DNAJC6: variants seen among roughly 807,000 people sequenced by gnomAD.
DNAJC6 encodes auxilin.
DNAJC6 carries 34 observed loss-of-function variants against 110.0 expected under a neutral mutation model. The ratio of observed to expected loss-of-function variants is 0.31; its 90% CI spans 0.24 to 0.41. The LOEUF is 0.41. Ranked by LOEUF, DNAJC6 falls within the 10% of genes least tolerant of loss-of-function variation. The pLI is 1.00. For missense variants in DNAJC6, 1,031 were observed against 1,207.8 expected (o/e 0.85, Z 2.17); for synonymous variants, 406 against 437.2 (o/e 0.93, Z 0.89).
chr1:65,389,700 G>C (rs746624365), intron 11 of DNAJC6, 73 bp downstream of exon 11: 12 of 1,511,062 alleles, frequency 7.9e-6, no homozygotes, highest in Non-Finnish European at 1.1e-5. Context: ...GTTGGCCCTA[G>C]AAGCAGACTA....
At position 65,387,003 on chromosome 1, in the gene DNAJC6, C is replaced by T. The variant is rs796993740; in HGVS notation, c.1113+74C>T. The T allele has an allele frequency of 9.3e-6, 12 of 1,291,400 alleles. No homozygotes were observed. The African/African-American group carries it at 1.8e-4, about 19-fold the overall frequency. The allele number at this position is 1,291,400 out of a possible 1,614,324, so 80.0% of individuals were successfully genotyped here. A position where few individuals can be genotyped will look rare whatever the true frequency, so the allele number is the denominator to read the frequency against. ...AGGAGTATTTCTGAATCTTTTCTCC[C>T]CATCACTTTGGGCTTGAGTCACTTG... On this transcript the variant is annotated intron_variant, in intron 8 of 18. Coordinates refer to ENST00000371069, the MANE Select transcript of DNAJC6 (RefSeq NM_001256864.2).
intron 11 of DNAJC6, among the ~76,000 whole-genome samples, chr1:65,391,999 A>G (rs1481302243): frequency 6.6e-6 from 1 of 152,156 alleles, no homozygotes. Context: ...AGCTGGTTTC[A>G]AACTCCTTAC....
chr1:65,378,509 G>A (rs544923721), intron 4 of DNAJC6, among the ~76,000 whole-genome samples: 1 of 152,320 alleles, frequency 6.6e-6, no homozygotes, highest in African/African-American at 2.4e-5. Flanking sequence ...AAGAGGTACT[G>A]TTCACCACAT....
At chr1:65,391,879 G>A (rs1267997021) in intron 11 of DNAJC6, among the ~76,000 whole-genome samples, 1 of 152,198 alleles carries the variant, frequency 6.6e-6, no homozygotes, top group Non-Finnish European at 1.5e-5. Context: ...CCGGGTTCAA[G>A]CAATTCTCAT....
At chr1:65,398,120 T>C (rs1206929199) in intron 13 of DNAJC6, among the ~76,000 whole-genome samples, 1 of 152,230 alleles carries the variant, frequency 6.6e-6, no homozygotes, top group Non-Finnish European at 1.5e-5. Context: ...GTACACCTGA[T>C]TCCTTTTAGC....
chr1:65,364,413 T>A (rs1323760046), intron 1 of DNAJC6, among the ~76,000 whole-genome samples: 3 of 152,130 alleles, frequency 2.0e-5, no homozygotes, highest in African/African-American at 7.2e-5. Context: ...TTTCTGTTCC[T>A]GGGACTCAGT....
At chr1:65,328,738 T>C (rs1238700162) in intron 1 of DNAJC6, among the ~76,000 whole-genome samples, 1 of 152,222 alleles carries the variant, frequency 6.6e-6, no homozygotes, top group African/African-American at 2.4e-5. Context: ...GGTGGAACCT[T>C]AGAGTTGGGA....
intron 1 of DNAJC6, among the ~76,000 whole-genome samples, chr1:65,363,701 C>T (rs1645618998): frequency 6.6e-6 from 1 of 151,988 alleles, no homozygotes; most frequent in Non-Finnish European, 1.5e-5. Flanking sequence ...GCCAGGAATG[C>T]TACTCAACAC....
chr1:65,364,837 T>G (rs1302285268), intron 2 of DNAJC6, 52 bp downstream of exon 2: 2 of 1,599,390 alleles, frequency 1.3e-6, no homozygotes, highest in Non-Finnish European at 8.5e-7. Context: ...TCTCAAAGGA[T>G]CTGGTTACCT....
intron 9 of DNAJC6, among the ~76,000 whole-genome samples, chr1:65,388,757 G>C (rs1019094631): frequency 6.6e-6 from 1 of 152,232 alleles, no homozygotes; most frequent in African/African-American, 2.4e-5. Context: ...TCAGTGGTAT[G>C]GTATCAGCAA....
rs932726827 is a variant in DNAJC6 at position 65,414,496 on chromosome 1, T to C, written c.*1471T>C. 2.6e-5 allele frequency: 4 copies of C among 152,768 alleles called. No individual in the cohort carries two copies. The highest frequency in any genetic ancestry group is 9.6e-5 in the African/African-American group (4 of 41,584). The allele number at this position is 152,768 out of a possible 1,614,324, so 9.5% of individuals were successfully genotyped here. On this transcript the variant is annotated 3_prime_UTR_variant, in exon 19 of 19. Transcript: ENST00000371069. ...AAAGTTGTTTTGAAAAGACAATCAT[T>C]TTTTGTTTTTGTTTTAACTTTCTTG...
At chr1:65,353,190 A>G (rs1450288141) in intron 1 of DNAJC6, among the ~76,000 whole-genome samples, 1 of 152,160 alleles carries the variant, frequency 6.6e-6, no homozygotes, top group Non-Finnish European at 1.5e-5. Flanking sequence ...GGAAAAAAAC[A>G]ATTGATGGCC....
chr1:65,379,575 G>C, intron 5 of DNAJC6, 51 bp downstream of exon 5: 1 of 1,608,424 alleles, frequency 6.2e-7, no homozygotes, highest in Non-Finnish European at 8.5e-7. Context: ...GTCAAATATG[G>C]ATGAGCCTGT....
chr1:65,313,447 A>T (rs1313645270), intron 1 of DNAJC6, among the ~76,000 whole-genome samples: 1 of 152,130 alleles, frequency 6.6e-6, no homozygotes, highest in Non-Finnish European at 1.5e-5. Flanking sequence ...ATAAAAATAC[A>T]TTTGCAGTTT....
At chr1:65,336,682 C>A (rs1174177394) in intron 1 of DNAJC6, among the ~76,000 whole-genome samples, 1 of 152,116 alleles carries the variant, frequency 6.6e-6, no homozygotes, top group African/African-American at 2.4e-5. Context: ...CCTAGCTGGG[C>A]ATGATAGCAT....
In DNAJC6 at chr1:65,289,184, T is replaced by A. The variant is rs192593293; in HGVS notation, c.-131+24252T>A. ...CCACATCTTTACCAACATTTGATAC[T>A]GTCAGTCATTTAAATTTTTTTTTTT... On this transcript the variant is annotated intron_variant, in intron 1 of 19. Coordinates refer to the DNAJC6 transcript ENST00000263441. 2.0e-5 allele frequency among the ~76,000 whole-genome samples: 3 copies of A among 152,296 alleles called. No homozygotes were observed. The East Asian group carries it at 5.8e-4, about 29-fold the overall frequency.
chr1:65,356,878 T>C (rs1645549076), intron 1 of DNAJC6, among the ~76,000 whole-genome samples: 1 of 152,172 alleles, frequency 6.6e-6, no homozygotes, highest in South Asian at 2.1e-4. Flanking sequence ...TTACATTTCC[T>C]CAAAGCTTCC....
In DNAJC6 at chr1:65,413,218, AG is replaced by A. The variant is rs1646144591; in HGVS notation, c.*194del. 1.9e-6 allele frequency: 1 copy of A among 534,196 alleles called. No individual in the cohort carries two copies. The highest frequency in any genetic ancestry group is 3.4e-5 in the Admixed American group (1 of 29,432). 33.1% of individuals were successfully genotyped at this position (534,196 alleles called of 1,614,324 possible). ...GTTTCTCCAAAGTTCCCACCATAAA[AG>A]ATCCAAAGCATGAGAGGAACTTCTA... On this transcript the variant is annotated 3_prime_UTR_variant, in exon 19 of 19. Transcript: ENST00000371069.
chr1:65,344,486 A>C (rs1025786274), intron 1 of DNAJC6, among the ~76,000 whole-genome samples: 1 of 152,030 alleles, frequency 6.6e-6, no homozygotes, highest in Non-Finnish European at 1.5e-5. Flanking sequence ...CCAGGGAAAT[A>C]ATTATCTGTC....
Sources: allele counts gnomAD v4.1 joint callset (sites outside exome capture counted in the v4.1 genomes callset), GRCh38; gene constraint gnomAD v4.1.1; transcripts MANE v1.5; gene names NCBI Gene and HGNC (gene_info 2026-07-23, HGNC 2026-07-21).